The following RAB7A variants were observed in gnomAD, a reference collection of about 807,000 sequenced individuals.
RAB7A encodes ras-related protein Rab-7a.
Under a neutral mutation model 24.5 loss-of-function variants are expected in RAB7A, and 2 were observed. The ratio of observed to expected loss-of-function variants is 0.08; its 90% confidence interval spans 0.03 to 0.26. The LOEUF is 0.26. RAB7A is among the 10% of genes least tolerant of loss of function. The probability of loss-of-function intolerance (pLI) is 1.00; values close to 1 mark genes in which losing one functional copy is unlikely to be tolerated. For synonymous variants in RAB7A, 100 were observed against 95.9 expected, an observed-to-expected ratio of 1.04 and a Z score of -0.25; for missense variants, 118 against 255.7, an observed-to-expected ratio of 0.46 and a Z score of 3.67.
At chr3:128,795,299 G>C (rs377152050) in intron 1 of RAB7A, 61 bp from the exon 2 acceptor site, 1 of 1,368,202 alleles carries the variant, frequency 7.3e-7, no homozygotes, top group Non-Finnish European at 1.0e-6. Flanking sequence ...TTGTGCAAGG[G>C]AGGTGTTTTG....
rs143594802 is a variant in RAB7A at position 128,760,214 on chromosome 3, G to A, written c.-9+33855G>A. ...CTGAGCAGGAAAGTCTTCTTTCTCC[G>A]CCTGACCGTGCTTGAGATGGGACAT... On this transcript the variant is annotated intron_variant, in intron 1 of 5. Coordinates refer to ENST00000265062, the MANE Select transcript of RAB7A (RefSeq NM_004637.6). Among the ~76,000 whole-genome samples the A allele has an allele frequency of 2.3e-4, 35 of 152,194 alleles. No individual in the cohort carries two copies. In the East Asian group the frequency reaches 2.5e-3, roughly 11 times the overall value.
chr3:128,762,214 G>C (rs2070780761), intron 1 of RAB7A, among the ~76,000 whole-genome samples: 2 of 152,216 alleles, frequency 1.3e-5, no homozygotes, highest in Non-Finnish European at 2.9e-5. Flanking sequence ...CTATGGGTCA[G>C]TTTGTTCTAG....
intron 1 of RAB7A, among the ~76,000 whole-genome samples, chr3:128,759,847 A>G (rs983136096): frequency 1.3e-5 from 2 of 152,064 alleles, no homozygotes; most frequent in Admixed American, 6.5e-5. Flanking sequence ...AGTAGCTGGA[A>G]TTACAGGCAT....
chr3:128,804,520 A>C (rs1481146199), intron 3 of RAB7A, among the ~76,000 whole-genome samples: 1 of 152,264 alleles, frequency 6.6e-6, no homozygotes, highest in African/African-American at 2.4e-5. Flanking sequence ...AAAATATTAA[A>C]AAATTTAAAA....
chr3:128,765,067 G>C (rs1315691584), intron 1 of RAB7A: 1 of 1,039,972 alleles, frequency 9.6e-7, no homozygotes, highest in South Asian at 1.3e-5. Context: ...CGCTGGAGCG[G>C]CGGCGGGGGC....
chr3:128,791,996 C>G (rs1243806963), intron 1 of RAB7A, among the ~76,000 whole-genome samples: 1 of 152,222 alleles, frequency 6.6e-6, no homozygotes, highest in African/African-American at 2.4e-5. Context: ...TCAACCCTCA[C>G]ACAGGTGTTG....
At chr3:128,795,913 G>A (rs1457268226) in intron 2 of RAB7A, among the ~76,000 whole-genome samples, 4 of 151,560 alleles carry the variant, frequency 2.6e-5, no homozygotes, top group East Asian at 2.0e-4. Flanking sequence ...CACCACGCCC[G>A]GCTAGTTTTT....
chr3:128,783,025 T>C (rs1933253683), intron 1 of RAB7A, among the ~76,000 whole-genome samples: 1 of 152,138 alleles, frequency 6.6e-6, no homozygotes, highest in African/African-American at 2.4e-5. Flanking sequence ...ACAGAGGCAG[T>C]GACCCAAAAA....
At chr3:128,772,482 G>C in intron 1 of RAB7A, among the ~76,000 whole-genome samples, 1 of 152,112 alleles carries the variant, frequency 6.6e-6, no homozygotes, top group East Asian at 1.9e-4. Context: ...ATAGGGGGTT[G>C]TGAATTAAAT....
chr3:128,779,420 A>G (rs75229392), intron 1 of RAB7A, among the ~76,000 whole-genome samples: 8 of 152,100 alleles, frequency 5.3e-5, no homozygotes, highest in South Asian at 2.1e-4. Flanking sequence ...AAAAAAAAAA[A>G]AGAGAGATTC....
chr3:128,809,931 ACAGTCTTTTTTTTT>A (rs1400449776), intron 5 of RAB7A, among the ~76,000 whole-genome samples: 1 of 67,328 alleles, frequency 1.5e-5, no homozygotes, highest in African/African-American at 6.1e-5. Context: ...TCCTCTTGCC[ACAGTCTTTTTTTTT>A]TTTTTTTTTT....
chr3:128,792,418 C>G (rs1447262743), intron 1 of RAB7A, among the ~76,000 whole-genome samples: 1 of 149,744 alleles, frequency 6.7e-6, no homozygotes, highest in Non-Finnish European at 1.5e-5. Context: ...CTTTTTTTTT[C>G]CTTTTTGAAA....
chr3:128,801,374 A>G (rs1401662999), intron 3 of RAB7A, among the ~76,000 whole-genome samples: 1 of 152,256 alleles, frequency 6.6e-6, no homozygotes, highest in Admixed American at 6.5e-5. Context: ...AAGTGTTCTT[A>G]TCACAAAAAG....
chr3:128,772,145 G>T (rs116690144), intron 1 of RAB7A, among the ~76,000 whole-genome samples: 1 of 152,156 alleles, frequency 6.6e-6, no homozygotes, highest in Non-Finnish European at 1.5e-5. Context: ...CAGTAATGTC[G>T]AAATGAACAC....
chr3:128,789,559 T>G (rs1432354212), intron 1 of RAB7A, among the ~76,000 whole-genome samples: 1 of 151,898 alleles, frequency 6.6e-6, no homozygotes, highest in African/African-American at 2.4e-5. Flanking sequence ...TCTCGAACTC[T>G]TGACCTCAAG....
intron 1 of RAB7A, among the ~76,000 whole-genome samples, chr3:128,779,280 G>A (rs1486053814): frequency 8.6e-5 from 13 of 151,958 alleles, no homozygotes; most frequent in Admixed American, 6.6e-4. Flanking sequence ...CGGGTGTGGT[G>A]GTGGGCATCT....
At chr3:128,784,731 G>A (rs1933300278) in intron 1 of RAB7A, among the ~76,000 whole-genome samples, 1 of 152,054 alleles carries the variant, frequency 6.6e-6, no homozygotes, top group Non-Finnish European at 1.5e-5. Flanking sequence ...TCTTCCCAGA[G>A]GAATCCTTCC....
Position 128,813,778 on chromosome 3 carries a change from G to C in RAB7A, c.*356G>C. On this transcript the variant is annotated 3_prime_UTR_variant, in exon 6 of 6. Coordinates refer to ENST00000265062, the MANE Select transcript of RAB7A (RefSeq NM_004637.6). ...GGAAGCTTATTCTTTTTGTTCACTGGAGAGAGAGAGAACTGTTTACAGTTA... is the reference window on the plus strand; with the variant it reads ...GGAAGCTTATTCTTTTTGTTCACTGCAGAGAGAGAGAACTGTTTACAGTTA... 1 of 341,908 alleles carries C rather than the reference G, an allele frequency of 2.9e-6. No homozygotes were observed. Among genetic ancestry groups the C allele is most frequent in the Non-Finnish European group, 5.8e-6 (1 of 172,936 alleles). The allele number at this position is 341,908 out of a possible 1,614,324, so 21.2% of individuals were successfully genotyped here. A position where few individuals can be genotyped will look rare whatever the true frequency, so the allele number is the denominator to read the frequency against.
chr3:128,807,792 C>A, intron 5 of RAB7A, 121 bp downstream of exon 5: 2 of 1,400,334 alleles, frequency 1.4e-6, no homozygotes, highest in Non-Finnish European at 2.0e-6. Flanking sequence ...AGCCAGAATA[C>A]CCTATGTGTT....
Sources: gnomAD v4.1 joint callset for allele counts (sites outside exome capture counted in the v4.1 genomes callset) on GRCh38, gnomAD v4.1.1 for gene constraint, MANE v1.5 for transcripts, NCBI Gene and HGNC (gene_info 2026-07-23, HGNC 2026-07-21) for gene names.